EPHA4: variants seen among roughly 807,000 people sequenced by gnomAD.
EPHA4 encodes the protein ephrin type-A receptor 4.
EPHA4 carries 19 observed loss-of-function variants against 108.3 expected under a neutral mutation model. That is an observed-to-expected ratio of 0.18 (90% CI 0.12 to 0.26). The LOEUF is 0.26. Ranked by LOEUF, EPHA4 falls within the 10% of genes least tolerant of loss-of-function variation. The pLI is 1.00. For missense variants in EPHA4, 917 were observed against 1,254.0 expected, an observed-to-expected ratio of 0.73 and a Z score of 4.06; for synonymous variants, 449 against 455.5, an observed-to-expected ratio of 0.99 and a Z score of 0.18.
rs552992707 is a variant in EPHA4 at position 221,456,700 on chromosome 2, G to C, written c.1516C>G (p.Leu506Val). The change falls in exon 7 of 18, where the codon CTC becomes GTC. Residue 506 changes from leucine to valine, a missense_variant. Physicochemically the swap from Leu to Val is conservative, Grantham distance 32. Transcript: ENST00000281821. The part of the protein sequence containing the change: ...RNTDIKGLNP[L>V]TSYVFHVRAR... ...CGCACGTGGAAAACATAGGAAGTGA[G>C]AGGGTTCAGGCCTTTGATATCTGTG... The C allele has an allele frequency of 6.2e-7, 1 of 1,614,046 alleles. No individual in the cohort carries two copies.
At chr2:221,494,382 T>C (rs1692243991) in intron 4 of EPHA4, among the ~76,000 whole-genome samples, 1 of 152,150 alleles carries the variant, frequency 6.6e-6, no homozygotes, top group Non-Finnish European at 1.5e-5. Context: ...GGCGGGCGGA[T>C]CGCTTGAGGT....
At chr2:221,492,454 AT>A (rs1692173962) in intron 4 of EPHA4, among the ~76,000 whole-genome samples, 1 of 152,188 alleles carries the variant, frequency 6.6e-6, no homozygotes, top group Non-Finnish European at 1.5e-5. Context: ...CAAATGGCAA[AT>A]GATCAGTCTG....
intron 5 of EPHA4, among the ~76,000 whole-genome samples, chr2:221,458,249 C>T (rs1468060480): frequency 6.6e-6 from 1 of 152,186 alleles, no homozygotes; most frequent in Non-Finnish European, 1.5e-5. Context: ...ACCATTTCCA[C>T]AGCACGTAGA....
intron 5 of EPHA4, among the ~76,000 whole-genome samples, chr2:221,470,883 T>C (rs530305206): frequency 6.6e-6 from 1 of 152,178 alleles, no homozygotes; most frequent in Non-Finnish European, 1.5e-5. Context: ...TTTGACAATT[T>C]TCTCAAAAGC....
intron 3 of EPHA4, among the ~76,000 whole-genome samples, chr2:221,530,045 A>C (rs1693459009): frequency 6.6e-6 from 1 of 152,192 alleles, no homozygotes; most frequent in South Asian, 2.1e-4. Flanking sequence ...CACCCAACGC[A>C]AACAGTCCAG....
intron 3 of EPHA4, among the ~76,000 whole-genome samples, chr2:221,536,014 G>T (rs1484717698): frequency 6.6e-6 from 1 of 152,156 alleles, no homozygotes; most frequent in Non-Finnish European, 1.5e-5. Context: ...TGGCTCAAGG[G>T]ATATTCATTC....
chr2:221,492,687 T>G (rs1692182794), intron 4 of EPHA4, among the ~76,000 whole-genome samples: 1 of 152,242 alleles, frequency 6.6e-6, no homozygotes, highest in South Asian at 2.1e-4. Flanking sequence ...AGCAGCAGCA[T>G]ACGTTGACGG....
chr2:221,538,182 G>A (rs966914598), intron 3 of EPHA4, among the ~76,000 whole-genome samples: 3 of 152,086 alleles, frequency 2.0e-5, no homozygotes, highest in Non-Finnish European at 4.4e-5. Context: ...TCTGTTATAG[G>A]ACACAAATGA....
intron 4 of EPHA4, among the ~76,000 whole-genome samples, chr2:221,498,116 G>C (rs1692357199): frequency 6.6e-6 from 1 of 152,136 alleles, no homozygotes; most frequent in Non-Finnish European, 1.5e-5. Context: ...CTCCCAAGTA[G>C]CAAGACTTGG....
intron 5 of EPHA4, among the ~76,000 whole-genome samples, chr2:221,465,641 T>C (rs1254857576): frequency 1.3e-5 from 2 of 152,108 alleles, no homozygotes; most frequent in African/African-American, 4.8e-5. Context: ...GTTGAAGTGA[T>C]TTCCCCTCTT....
chr2:221,437,034 T>G (rs1377211150), intron 12 of EPHA4, 27 bp downstream of exon 12: 3 of 1,555,020 alleles, frequency 1.9e-6, no homozygotes, highest in Non-Finnish European at 2.7e-6. Context: ...CCAACATTCT[T>G]GGGTTTAATA....
At chr2:221,432,616 C>T (rs1217917407) in intron 14 of EPHA4, among the ~76,000 whole-genome samples, 1 of 151,738 alleles carries the variant, frequency 6.6e-6, no homozygotes, top group Non-Finnish European at 1.5e-5. Flanking sequence ...CCCCACCAGA[C>T]ATGGAGTGCA....
intron 5 of EPHA4, among the ~76,000 whole-genome samples, chr2:221,461,364 G>A (rs1031071195): frequency 6.6e-6 from 1 of 152,168 alleles, no homozygotes; most frequent in South Asian, 2.1e-4. Context: ...AGAATTAGAA[G>A]AGGAGATAAT....
In EPHA4 at chr2:221,418,724, C is replaced by T. The variant is rs1207446419; in HGVS notation, c.*2648G>A. ...TGCAGCGGGGTAGTTTCCCACTGCT[C>T]TAGAGATCGGCACATGAGTTAGCAT... On this transcript the variant is annotated 3_prime_UTR_variant, in exon 18 of 18. Coordinates refer to ENST00000281821, the MANE Select transcript of EPHA4 (RefSeq NM_004438.5). The T allele has an allele frequency of 6.6e-6, 1 of 152,362 alleles. No individual in the cohort carries two copies. Among genetic ancestry groups the T allele is most frequent in the Non-Finnish European group, 1.5e-5 (1 of 68,050 alleles). 9.4% of individuals were successfully genotyped at this position (152,362 alleles called of 1,614,324 possible).
intron 15 of EPHA4, among the ~76,000 whole-genome samples, chr2:221,426,986 G>T (rs1178305424): frequency 6.6e-6 from 1 of 152,184 alleles, no homozygotes; most frequent in Non-Finnish European, 1.5e-5. Context: ...TGCCAGTACT[G>T]AATATTACAG....
intron 5 of EPHA4, among the ~76,000 whole-genome samples, chr2:221,459,565 A>G (rs73087958): frequency 0.045 from 6,914 of 152,038 alleles, 529 homozygotes; most frequent in African/African-American, 0.16. Context: ...ACACACAGGC[A>G]CACACACACA....
At chr2:221,448,341 CTCT>C (rs1308660103) in intron 8 of EPHA4, among the ~76,000 whole-genome samples, 1 of 152,092 alleles carries the variant, frequency 6.6e-6, no homozygotes, top group Non-Finnish European at 1.5e-5. Context: ...CATAGAGCCT[CTCT>C]TACTGGAGAT....
rs528183711 is a variant in EPHA4, at chr2:221,537,633, T to C, written c.823+26098A>G. Among the ~76,000 whole-genome samples, 3 of 152,198 alleles carry C rather than the reference T, an allele frequency of 2.0e-5. No individual in the cohort carries two copies. The South Asian group carries it at 6.2e-4, about 32-fold the overall frequency. Reference sequence around the variant, plus strand: ...TAAGACCACTCATCTCTACAAAAAATTAAAAATTTAGCAAGGTGCAGTGGT... The same window carrying C: ...TAAGACCACTCATCTCTACAAAAAACTAAAAATTTAGCAAGGTGCAGTGGT... On this transcript the variant is annotated intron_variant, in intron 3 of 17. Transcript: ENST00000281821.
At chr2:221,573,270 C>G (rs938369499), upstream of EPHA4, 9 of 152,252 alleles carry the variant, frequency 5.9e-5, no homozygotes, top group Non-Finnish European at 1.2e-4. This position sits in a 1 kb window ranked among gnomAD's most constrained non-coding sequence, Gnocchi z 4.5. Flanking sequence ...GCTGCTGCGA[C>G]TCTCCGCTCC....
Sources: allele counts gnomAD v4.1 joint callset (sites outside exome capture counted in the v4.1 genomes callset), GRCh38; gene constraint gnomAD v4.1.1; non-coding constraint Gnocchi (gnomAD v3.1); transcripts MANE v1.5; gene names NCBI Gene and HGNC (gene_info 2026-07-23, HGNC 2026-07-21).